Variants in EDRF1 observed in about 807,000 individuals in gnomAD.
The protein encoded by EDRF1 is erythroid differentiation-related factor 1.
EDRF1 carries 69 observed loss-of-function variants against 148.7 expected under a neutral mutation model. The observed-to-expected ratio is 0.46, with a 90% CI of 0.38 to 0.57. The LOEUF (loss-of-function observed/expected upper bound fraction) is 0.57. Ranked by LOEUF, EDRF1 falls within the 20% of genes least tolerant of loss-of-function variation. The pLI, the probability that EDRF1 is intolerant of heterozygous loss-of-function variation, is 0.00. For missense variants in EDRF1, 1,118 were observed against 1,478.7 expected (o/e 0.76, Z 4.00); for synonymous variants, 515 against 532.8 (o/e 0.97, Z 0.46).
chr10:125,753,666 G>A (rs976579940), intron 23 of EDRF1, 28 bp from the exon 24 acceptor site: 27 of 1,613,680 alleles, frequency 1.7e-5, no homozygotes, highest in East Asian at 2.2e-5. Context: ...TGGATAGCTC[G>A]AGTAAAATAA....
intron 21 of EDRF1, 79 bp downstream of exon 21, chr10:125,748,091 C>A: frequency 1.3e-6 from 2 of 1,522,220 alleles, no homozygotes; most frequent in South Asian, 2.3e-5. Context: ...TTAACATGGT[C>A]ATATATGTCT....
chr10:125,720,017 C>A, intron 1 of EDRF1, 102 bp downstream of exon 1: 1 of 1,052,478 alleles, frequency 9.5e-7, no homozygotes, highest in Non-Finnish European at 1.4e-6. Flanking sequence ...GGAGGCTTCT[C>A]CATGTTTCCC....
At position 125,743,101 on chromosome 10, in the gene EDRF1, ACT is replaced by A. The variant is rs1564744334; in HGVS notation, c.2420_2421del (p.Ser807CysfsTer2). On this transcript the variant is annotated frameshift_variant, in exon 18 of 25. Transcript: ENST00000356792. LOFTEE classifies it high-confidence loss of function. The stretch of plus-strand genomic sequence containing the variant: ...ATTTGTCTACAGACTTAGAAAGTCA[ACT>A]CTCTGTTAGTTGTAAATGTTATGAG... ...TDLSTDLESQ[L>X]SVSCKCYEAA... 3 of 1,613,910 alleles carry A rather than the reference ACT, an allele frequency of 1.9e-6. No individual in the cohort carries two copies. The highest frequency in any genetic ancestry group is 1.1e-5 in the South Asian group (1 of 91,074).
chr10:125,763,213 G>A lies in EDRF1; in HGVS notation c.3546-88G>A, dbSNP rs1850264848. 7.7e-7 allele frequency: 1 copy of A among 1,291,832 alleles called. No homozygotes were observed. The highest frequency in any genetic ancestry group is 1.1e-6 in the Non-Finnish European group (1 of 900,442). The allele number at this position is 1,291,832 out of a possible 1,614,324, so 80.0% of individuals were successfully genotyped here. A position where few individuals can be genotyped will look rare whatever the true frequency, so the allele number is the denominator to read the frequency against. On this transcript the variant is annotated intron_variant, in intron 24 of 24. Transcript: ENST00000356792. The surrounding 1 kb of genome is among the most constrained non-coding windows in gnomAD (Gnocchi z 4.3). ...GCTGCTCTGTGAAGAGTGACTGTTG[G>A]GCTGTCACTGTCCGGTTTTCTGGAC...
intron 8 of EDRF1, 71 bp downstream of exon 8, chr10:125,729,550 A>G: frequency 1.3e-6 from 2 of 1,596,562 alleles, no homozygotes; most frequent in Non-Finnish European, 1.7e-6. Context: ...GTGTTCCATC[A>G]GACTGAGGTT....
At chr10:125,753,866 TAGG>T in intron 24 of EDRF1, 21 bp downstream of exon 24, 1 of 1,611,184 alleles carries the variant, frequency 6.2e-7, no homozygotes, top group Non-Finnish European at 8.5e-7. Context: ...TGGTTATTTG[TAGG>T]AATTTCTTTC....
At chr10:125,740,041 A>G (rs529446637) in intron 15 of EDRF1, among the ~76,000 whole-genome samples, 203 of 152,324 alleles carry the variant, frequency 1.3e-3, no homozygotes, top group African/African-American at 4.5e-3. Context: ...AGTAGGATGG[A>G]CAAGTAGGAA....
chr10:125,740,174 A>C (rs1848941621), intron 15 of EDRF1, among the ~76,000 whole-genome samples: 1 of 152,172 alleles, frequency 6.6e-6, no homozygotes, highest in Non-Finnish European at 1.5e-5. Flanking sequence ...TGACACATAG[A>C]CTGGAAAAAG....
Position 125,740,669 on chromosome 10 carries a change from AAT to A in EDRF1, c.2170+21_2170+22del. 6.2e-7 allele frequency: 1 copy of A among 1,608,490 alleles called. No individual in the cohort carries two copies. Among genetic ancestry groups the A allele is most frequent in the African/African-American group, 1.3e-5 (1 of 74,992 alleles). ...AAGCCATGGTAAGCCACTATAAATGAATATGTTTAATAGGCACTGGGAAGAGA... is the reference window on the plus strand; with the variant it reads ...AAGCCATGGTAAGCCACTATAAATGAATGTTTAATAGGCACTGGGAAGAGA... On this transcript the variant is annotated intron_variant, in intron 16 of 24. Coordinates refer to ENST00000356792, the MANE Select transcript of EDRF1 (RefSeq NM_001202438.2).
rs75300277 is a variant in EDRF1, at chr10:125,742,449, A to G, written c.2372-609A>G. 4.5e-3 allele frequency: 4,859 copies of G among 1,084,270 alleles called. 120 individuals carry two copies. In the East Asian group the frequency reaches 0.089, roughly 20 times the overall value. The allele number at this position is 1,084,270 out of a possible 1,614,324, so 67.2% of individuals were successfully genotyped here. ...CCAGAGTTTTAGACAATTCATAGCT[A>G]GAGGAGTATACTGGGGGAGAGGGAA... On this transcript the variant is annotated intron_variant, in intron 17 of 24. Transcript: ENST00000356792.
In EDRF1 at chr10:125,753,915, A is replaced by C. The variant is rs1208628160; in HGVS notation, c.3545+70A>C. The C allele has an allele frequency of 3.2e-6, 5 of 1,547,944 alleles. No individual in the cohort carries two copies. In the Admixed American group the frequency reaches 8.5e-5, roughly 26 times the overall value. ...ACCTATAAAAATTTTCTCTACTAAC[A>C]TCATAAAGAAAAACTAGGGGCCAGG... On this transcript the variant is annotated intron_variant, in intron 24 of 24. Transcript: ENST00000356792.
chr10:125,751,651 G>A lies in EDRF1; in HGVS notation c.3278-1148G>A, dbSNP rs148927589. ...ATTCTCTCCCCACCCGCAGAGTCGG[G>A]GAGTCCCCAAGACCATTGTCACTTC... On this transcript the variant is annotated intron_variant, in intron 22 of 24. Coordinates refer to ENST00000356792, the MANE Select transcript of EDRF1 (RefSeq NM_001202438.2). Among the ~76,000 whole-genome samples, 31 of 152,236 alleles carry A rather than the reference G, an allele frequency of 2.0e-4. No individual in the cohort carries two copies. The East Asian group carries it at 5.6e-3, about 28-fold the overall frequency.
At chr10:125,721,469 A>T (rs1848001235) in intron 2 of EDRF1, 57 bp downstream of exon 2, 2 of 1,504,298 alleles carry the variant, frequency 1.3e-6, no homozygotes, top group Admixed American at 3.6e-5. Context: ...TAAAACTCTT[A>T]TTTGCTTTTA....
intron 15 of EDRF1, among the ~76,000 whole-genome samples, chr10:125,739,991 T>G (rs567251971): frequency 6.6e-6 from 1 of 152,194 alleles, no homozygotes. Flanking sequence ...ACAGGCATGT[T>G]TATAGGTGAC....
At chr10:125,745,481 C>A in intron 18 of EDRF1, 1 of 579,048 alleles carries the variant, frequency 1.7e-6, no homozygotes. Context: ...AATACAGTCA[C>A]ATTCTAAGGA....
Position 125,763,240 on chromosome 10 carries a change from T to A in EDRF1, c.3546-61T>A. 1 of 1,529,394 alleles carries A rather than the reference T, an allele frequency of 6.5e-7. No homozygotes were observed. The highest frequency in any genetic ancestry group is 9.0e-7 in the Non-Finnish European group (1 of 1,113,980). The allele number at this position is 1,529,394 out of a possible 1,614,324, so 94.7% of individuals were successfully genotyped here. The stretch of plus-strand genomic sequence containing the variant: ...CTGTCACTGTCCGGTTTTCTGGACC[T>A]CTGAATTGTCGGTAGGCATTGCTGG... On this transcript the variant is annotated intron_variant, in intron 24 of 24. Coordinates refer to ENST00000356792, the MANE Select transcript of EDRF1 (RefSeq NM_001202438.2). The surrounding 1 kb of genome is among the most constrained non-coding windows in gnomAD (Gnocchi z 4.3).
intron 13 of EDRF1, 46 bp from the exon 14 acceptor site, chr10:125,737,872 T>C (rs1477366192): frequency 5.7e-6 from 9 of 1,565,628 alleles, no homozygotes; most frequent in African/African-American, 4.1e-5. Context: ...TATGTTGACC[T>C]TAATACATTG....
At chr10:125,737,858 A>T in intron 13 of EDRF1, 60 bp from the exon 14 acceptor site, 2 of 1,493,482 alleles carry the variant, frequency 1.3e-6, no homozygotes, top group Non-Finnish European at 1.9e-6. Context: ...TTCAACAAAA[A>T]CAATATGTTG....
chr10:125,748,033 G>GTACA, intron 21 of EDRF1, 21 bp downstream of exon 21: 3 of 1,613,872 alleles, frequency 1.9e-6, no homozygotes, highest in Non-Finnish European at 2.5e-6. Flanking sequence ...TCCAAGTTAA[G>GTACA]TACAGTGCCA....
Sources: allele counts gnomAD v4.1 joint callset (sites outside exome capture counted in the v4.1 genomes callset), GRCh38; gene constraint gnomAD v4.1.1; non-coding constraint Gnocchi (gnomAD v3.1); transcripts MANE v1.5; gene names NCBI Gene and HGNC (gene_info 2026-07-23, HGNC 2026-07-21).